Variants in PRKN observed in about 807,000 individuals in gnomAD.
PRKN encodes E3 ubiquitin-protein ligase parkin.
Under a neutral mutation model 59.5 loss-of-function variants are expected in PRKN, and 56 were observed. That is an observed-to-expected ratio of 0.94 (90% confidence interval 0.76 to 1.18). The LOEUF is 1.18. Among genes scored for constraint, PRKN ranks in the 50% most tolerant of loss-of-function variants. PRKN has a pLI of 0.00. For synonymous variants in PRKN, 250 were observed against 222.1 expected (o/e 1.13, Z -1.12); for missense variants, 657 against 596.4 (o/e 1.10, Z -1.06).
chr6:162,195,361 A>G (rs1331028928), intron 4 of PRKN, among the ~76,000 whole-genome samples: 1 of 152,222 alleles, frequency 6.6e-6, no homozygotes, highest in Non-Finnish European at 1.5e-5. Flanking sequence ...CTATTCTAAG[A>G]CTTGAATTTC....
chr6:161,769,193 C>G (rs927283400), intron 7 of PRKN, among the ~76,000 whole-genome samples: 1 of 152,070 alleles, frequency 6.6e-6, no homozygotes, highest in Non-Finnish European at 1.5e-5. Context: ...TCAATTAAAC[C>G]TACATCGCAG....
At chr6:162,543,423 T>C (rs1394128835) in intron 1 of PRKN, among the ~76,000 whole-genome samples, 2 of 152,016 alleles carry the variant, frequency 1.3e-5, no homozygotes, top group Admixed American at 6.6e-5. Context: ...TCCTCCCTTT[T>C]TTCCCTCCGA....
chr6:162,457,320 A>T (rs1413094580), intron 1 of PRKN, among the ~76,000 whole-genome samples: 1 of 152,184 alleles, frequency 6.6e-6, no homozygotes, highest in African/African-American at 2.4e-5. Context: ...CATCTTTTAC[A>T]TGTATTATTA....
chr6:161,695,032 C>A (rs1375470325), intron 7 of PRKN, among the ~76,000 whole-genome samples: 1 of 152,170 alleles, frequency 6.6e-6, no homozygotes, highest in African/African-American at 2.4e-5. Flanking sequence ...TTCCAATCTA[C>A]ATTGAAGCCT....
intron 2 of PRKN, among the ~76,000 whole-genome samples, chr6:162,428,608 G>T (rs1243491162): frequency 6.6e-6 from 1 of 152,074 alleles, no homozygotes; most frequent in Non-Finnish European, 1.5e-5. Flanking sequence ...ACATAGCCAA[G>T]TATCAATGTG....
Position 161,736,567 on chromosome 6 carries a change from G to A in PRKN, c.871+49205C>T, listed in dbSNP as rs202028141. 1.2e-4 allele frequency among the ~76,000 whole-genome samples: 18 copies of A among 152,312 alleles called. No individual in the cohort carries two copies. In the East Asian group the frequency reaches 3.3e-3, roughly 28 times the overall value. On this transcript the variant is annotated intron_variant, in intron 7 of 11. Transcript: ENST00000366898. ...GCCATCCCCAGGGCAAAGAAAAGGA[G>A]GCTGAGACCTGGTCTAATCTCCTTG...
At chr6:162,382,043 T>C (rs1486583119) in intron 2 of PRKN, among the ~76,000 whole-genome samples, 1 of 152,224 alleles carries the variant, frequency 6.6e-6, no homozygotes, top group Non-Finnish European at 1.5e-5. Context: ...ATCTGCTTTC[T>C]GAGAAAGTAG....
In PRKN at chr6:161,584,282, A is replaced by G. The variant is rs1781446436; in HGVS notation, c.872-14866T>C. ...TACAGCCTGTCCTTCCAGCTTCCCA[A>G]TCAAATAGGACACCAGAGCCCAACC... On this transcript the variant is annotated intron_variant, in intron 7 of 11. Transcript: ENST00000366898. The surrounding 1 kb of genome is among the most constrained non-coding windows in gnomAD (Gnocchi z 4.8). Among the ~76,000 whole-genome samples, 1 of 152,154 alleles carries G rather than the reference A, an allele frequency of 6.6e-6. No individual in the cohort carries two copies. Among genetic ancestry groups the G allele is most frequent in the Non-Finnish European group, 1.5e-5 (1 of 68,028 alleles).
chr6:162,585,667 A>G (rs576851165), intron 1 of PRKN, among the ~76,000 whole-genome samples: 382 of 152,174 alleles, frequency 2.5e-3, no homozygotes, highest in Non-Finnish European at 4.1e-3. Flanking sequence ...GGGCAAATAT[A>G]CTGAGTATTT....
chr6:162,101,483 G>A (rs1041938833), intron 4 of PRKN, among the ~76,000 whole-genome samples: 8 of 151,544 alleles, frequency 5.3e-5, no homozygotes, highest in South Asian at 2.1e-4. Context: ...CCTGGCTAAC[G>A]TGGAGAAACC....
At chr6:162,653,678 A>G (rs1778532520) in intron 1 of PRKN, among the ~76,000 whole-genome samples, 2 of 152,184 alleles carry the variant, frequency 1.3e-5, no homozygotes, top group Non-Finnish European at 2.9e-5. Flanking sequence ...TCCCTTGCAT[A>G]AAAGACAAAT....
intron 7 of PRKN, among the ~76,000 whole-genome samples, chr6:161,646,839 T>C (rs955976571): frequency 6.6e-6 from 1 of 152,226 alleles, no homozygotes; most frequent in African/African-American, 2.4e-5. Flanking sequence ...TCTGGTCCCC[T>C]ACAATTTGTA....
intron 5 of PRKN, among the ~76,000 whole-genome samples, chr6:162,053,340 T>C (rs973468185): frequency 1.3e-5 from 2 of 152,170 alleles, no homozygotes; most frequent in African/African-American, 4.8e-5. Context: ...AAGGCTGACA[T>C]TTGTGCTGGC....
intron 4 of PRKN, among the ~76,000 whole-genome samples, chr6:162,181,202 G>T (rs542470117): frequency 3.3e-5 from 5 of 152,188 alleles, no homozygotes; most frequent in African/African-American, 1.2e-4. Flanking sequence ...GTCAGTTCCC[G>T]AAGTTTCATG....
intron 2 of PRKN, among the ~76,000 whole-genome samples, chr6:162,370,423 C>T (rs12204428): frequency 0.25 from 38,255 of 152,000 alleles, 4,989 homozygotes; most frequent in African/African-American, 0.25. Flanking sequence ...AATATTCGTC[C>T]TTGTGTCACT....
chr6:161,506,173 C>G (rs1453457143), intron 9 of PRKN, among the ~76,000 whole-genome samples: 1 of 151,986 alleles, frequency 6.6e-6, no homozygotes, highest in East Asian at 1.9e-4. Flanking sequence ...GAATGTTCTT[C>G]CATTTGTTTG....
At chr6:161,968,099 C>T (rs991459366) in intron 6 of PRKN, among the ~76,000 whole-genome samples, 4 of 151,904 alleles carry the variant, frequency 2.6e-5, no homozygotes, top group African/African-American at 9.7e-5. Flanking sequence ...CGCCTCAGTG[C>T]AACTTCCGCC....
intron 6 of PRKN, among the ~76,000 whole-genome samples, chr6:161,914,317 T>C (rs1778473345): frequency 6.6e-6 from 1 of 152,212 alleles, no homozygotes. Context: ...TGTAGGATTC[T>C]ATTTGTGACC....
At chr6:161,826,938 G>C (rs1378190817) in intron 6 of PRKN, among the ~76,000 whole-genome samples, 1 of 152,144 alleles carries the variant, frequency 6.6e-6, no homozygotes, top group Admixed American at 6.5e-5. Flanking sequence ...GGCAGGACAA[G>C]AATATAGCTC....
Sources: allele counts gnomAD v4.1 joint callset (sites outside exome capture counted in the v4.1 genomes callset), GRCh38; gene constraint gnomAD v4.1.1; non-coding constraint Gnocchi (gnomAD v3.1); transcripts MANE v1.5; gene names NCBI Gene and HGNC (gene_info 2026-07-23, HGNC 2026-07-21).